The following LDLRAD3 variants were observed in gnomAD, a reference collection of about 807,000 sequenced individuals.
LDLRAD3 encodes low-density lipoprotein receptor class A domain-containing protein 3.
A neutral mutation model predicts 29.4 loss-of-function variants in LDLRAD3; 20 were observed. The ratio of observed to expected loss-of-function variants is 0.68; its 90% CI spans 0.48 to 0.99. The LOEUF (loss-of-function observed/expected upper bound fraction) is 0.99. Ranked by LOEUF, LDLRAD3 falls within the 50% of genes least tolerant of loss-of-function variation. The probability of loss-of-function intolerance (pLI) is 0.00; values close to 1 mark genes in which losing one functional copy is unlikely to be tolerated. For missense variants in LDLRAD3, 420 were observed against 454.3 expected (o/e 0.92, Z 0.69); for synonymous variants, 157 against 192.7 (o/e 0.81, Z 1.53).
chr11:36,155,508 G>T (rs909897868), intron 4 of LDLRAD3, among the ~76,000 whole-genome samples: 1 of 152,114 alleles, frequency 6.6e-6, no homozygotes, highest in Non-Finnish European at 1.5e-5. Flanking sequence ...GCTGGCCTCC[G>T]TGCCTGGAAC....
intron 2 of LDLRAD3, among the ~76,000 whole-genome samples, chr11:36,075,615 G>A (rs1163689033): frequency 6.6e-6 from 1 of 152,090 alleles, no homozygotes; most frequent in African/African-American, 2.4e-5. Flanking sequence ...AGCATCCATT[G>A]CCAGATCTTG....
chr11:35,979,500 G>A (rs1851514304), intron 1 of LDLRAD3, among the ~76,000 whole-genome samples: 1 of 152,184 alleles, frequency 6.6e-6, no homozygotes, highest in East Asian at 1.9e-4. Flanking sequence ...GTATGATAGA[G>A]TTTTCCTTCC....
chr11:36,217,920 G>T (rs1855374558), intron 4 of LDLRAD3, among the ~76,000 whole-genome samples: 1 of 152,110 alleles, frequency 6.6e-6, no homozygotes, highest in Non-Finnish European at 1.5e-5. Context: ...CTCTAATTCA[G>T]AATGAGCTCA....
chr11:35,986,816 G>T lies in LDLRAD3; in HGVS notation c.46+42672G>T, dbSNP rs552770540. On this transcript the variant is annotated intron_variant, in intron 1 of 5. Transcript: ENST00000315571. ...GACTGTCAGATGAGTATCACTCTCT[G>T]CCACAGATGATGCAGAGCACACCTT... 1.6e-4 allele frequency among the ~76,000 whole-genome samples: 24 copies of T among 152,342 alleles called. 1 individual carries two copies. The South Asian group carries it at 5.0e-3, about 32-fold the overall frequency.
chr11:36,033,518 G>T (rs1263987061), intron 1 of LDLRAD3, among the ~76,000 whole-genome samples: 1 of 152,214 alleles, frequency 6.6e-6, no homozygotes, highest in African/African-American at 2.4e-5. Context: ...TTTCACAGTT[G>T]CAGTGACGTT....
At chr11:36,193,077 A>G (rs1854979822) in intron 4 of LDLRAD3, among the ~76,000 whole-genome samples, 1 of 152,202 alleles carries the variant, frequency 6.6e-6, no homozygotes, top group South Asian at 2.1e-4. Flanking sequence ...ATTAGCTATT[A>G]ACTCAGTATT....
intron 1 of LDLRAD3, among the ~76,000 whole-genome samples, chr11:35,984,922 A>T (rs1001361548): frequency 6.8e-6 from 1 of 147,190 alleles, no homozygotes; most frequent in African/African-American, 2.5e-5. Context: ...GAGCCACCGC[A>T]TCCTGCCTGT....
chr11:36,221,163 C>G (rs528600721), intron 4 of LDLRAD3, among the ~76,000 whole-genome samples: 13 of 151,942 alleles, frequency 8.6e-5, no homozygotes, highest in Non-Finnish European at 1.8e-4. Flanking sequence ...GCCTGGCCAT[C>G]ATAGTGAAAC....
chr11:36,191,781 A>G (rs1725445447), intron 4 of LDLRAD3, among the ~76,000 whole-genome samples: 1 of 151,940 alleles, frequency 6.6e-6, no homozygotes, highest in South Asian at 2.1e-4. Flanking sequence ...TTGTTTTCCC[A>G]GGAAGAAAAG....
Position 36,042,130 on chromosome 11 carries a change from G to A in LDLRAD3, c.193+5881G>A, listed in dbSNP as rs2133215390. ...CGAAATATAAGAGCAAGAAAGCTGG[G>A]GTTGAGATTGTTCAGGCTCCATACT... is the stretch of plus-strand genomic sequence containing the variant. On this transcript the variant is annotated intron_variant, in intron 2 of 5. Coordinates refer to ENST00000315571, the MANE Select transcript of LDLRAD3 (RefSeq NM_174902.4). 2.0e-5 allele frequency among the ~76,000 whole-genome samples: 3 copies of A among 152,160 alleles called. No individual in the cohort carries two copies. In the South Asian group the frequency reaches 6.3e-4, roughly 32 times the overall value.
intron 1 of LDLRAD3, among the ~76,000 whole-genome samples, chr11:35,973,572 C>T (rs1851441795): frequency 6.6e-6 from 1 of 152,080 alleles, no homozygotes; most frequent in Non-Finnish European, 1.5e-5. Context: ...TCAAGCTATT[C>T]TTCTGCCTTA....
chr11:36,037,816 G>A (rs928153802), intron 2 of LDLRAD3, among the ~76,000 whole-genome samples: 1 of 152,136 alleles, frequency 6.6e-6, no homozygotes, highest in Non-Finnish European at 1.5e-5. Flanking sequence ...GGAAAATTGG[G>A]GGTGTGTTAT....
chr11:36,124,357 A>G (rs1266161568), intron 4 of LDLRAD3, among the ~76,000 whole-genome samples: 1 of 152,230 alleles, frequency 6.6e-6, no homozygotes, highest in East Asian at 1.9e-4. Context: ...AGGCACTAGC[A>G]TAGGTAGCAT....
intron 4 of LDLRAD3, among the ~76,000 whole-genome samples, chr11:36,148,955 A>T (rs1463518020): frequency 1.3e-5 from 2 of 152,244 alleles, no homozygotes; most frequent in African/African-American, 2.4e-5. Flanking sequence ...ATGGTCCTTC[A>T]TTCAGTCTAC....
At chr11:36,211,862 C>T (rs190069004) in intron 4 of LDLRAD3, among the ~76,000 whole-genome samples, 13 of 152,296 alleles carry the variant, frequency 8.5e-5, no homozygotes, top group Middle Eastern at 3.4e-3. Context: ...CATCTCCGCT[C>T]CCTGCATCCT....
At chr11:35,947,020 G>A (rs1193056246) in intron 1 of LDLRAD3, among the ~76,000 whole-genome samples, 1 of 152,132 alleles carries the variant, frequency 6.6e-6, no homozygotes, top group African/African-American at 2.4e-5. Context: ...CATTTACTCT[G>A]GGATAAGTGG....
intron 4 of LDLRAD3, among the ~76,000 whole-genome samples, chr11:36,143,077 T>C (rs1854110443): frequency 6.6e-6 from 1 of 152,228 alleles, no homozygotes; most frequent in Admixed American, 6.5e-5. Context: ...TGCAGATGCA[T>C]ATTCACCAGT....
At chr11:36,090,152 A>G (rs1051708796) in intron 3 of LDLRAD3, among the ~76,000 whole-genome samples, 4 of 152,224 alleles carry the variant, frequency 2.6e-5, no homozygotes, top group Admixed American at 1.3e-4. Context: ...TCTAACCACT[A>G]CAGCAAAATG....
intron 4 of LDLRAD3, among the ~76,000 whole-genome samples, chr11:36,120,378 G>A (rs1442738006): frequency 6.6e-6 from 1 of 152,188 alleles, no homozygotes; most frequent in African/African-American, 2.4e-5. Flanking sequence ...CACAGATAGT[G>A]ATAGTTGTAG....
Sources: gnomAD v4.1 joint callset for allele counts (sites outside exome capture counted in the v4.1 genomes callset) on GRCh38, gnomAD v4.1.1 for gene constraint, MANE v1.5 for transcripts, NCBI Gene and HGNC (gene_info 2026-07-23, HGNC 2026-07-21) for gene names.